Variants in DHRS4L2 observed in about 807,000 individuals in gnomAD.
DHRS4L2 encodes dehydrogenase/reductase SDR family member 4-like 2.
In DHRS4L2, 22 loss-of-function variants were observed where a neutral mutation model predicts 23.9. The ratio of observed to expected loss-of-function variants is 0.92; its 90% CI spans 0.66 to 1.31. The LOEUF (loss-of-function observed/expected upper bound fraction) is 1.31, where lower values mean the gene tolerates loss of function less well. Ranked by LOEUF, DHRS4L2 falls within the 40% of genes most tolerant of loss-of-function variation. The pLI is 0.00. For synonymous variants in DHRS4L2, 141 were observed against 123.7 expected, an observed-to-expected ratio of 1.14 and a Z score of -0.93; for missense variants, 385 against 303.3, an observed-to-expected ratio of 1.27 and a Z score of -2.00.
At chr14:23,999,943 T>C in intron 3 of DHRS4L2, among the ~76,000 whole-genome samples, 1 of 135,536 alleles carries the variant, frequency 7.4e-6, no homozygotes, top group Non-Finnish European at 1.5e-5. Flanking sequence ...GATCCACCCA[T>C]CTTGGCCTCC....
intron 2 of DHRS4L2, among the ~76,000 whole-genome samples, chr14:23,991,941 G>A (rs1287679783): frequency 1.3e-5 from 2 of 151,270 alleles, no homozygotes; most frequent in East Asian, 3.9e-4. Context: ...TCACCATGTT[G>A]GCCAGGCTGG....
intron 1 of DHRS4L2, among the ~76,000 whole-genome samples, chr14:23,981,966 C>A (rs1325945815): frequency 6.6e-6 from 1 of 151,692 alleles, no homozygotes; most frequent in African/African-American, 2.4e-5. Context: ...GTGTTTTATA[C>A]CAAGACACTC....
chr14:23,990,439 C>T (rs1249750900), intron 2 of DHRS4L2, 80 bp downstream of exon 2: 3 of 1,490,438 alleles, frequency 2.0e-6, no homozygotes, highest in African/African-American at 1.4e-5. Context: ...CTTTCCTAGA[C>T]AGCAGCACAT....
exon 1 of DHRS4L2, chr14:23,969,983 CGGCAGCCCTCACCGCCCG>C: frequency 2.2e-6 from 1 of 454,954 alleles, no homozygotes. Flanking sequence ...CTCGCCTCTG[CGGCAGCCCTCACCGCCCG>C]GGCTTTACTG....
intron 1 of DHRS4L2, among the ~76,000 whole-genome samples, chr14:23,982,195 C>T (rs879319629): frequency 1.3e-5 from 2 of 151,604 alleles, no homozygotes; most frequent in Middle Eastern, 3.2e-3. Flanking sequence ...TGCGGCTTTC[C>T]GCAGTGCATT....
In DHRS4L2 at chr14:23,990,342, G is replaced by A. The variant is rs758295909; in HGVS notation, c.289G>A (p.Glu97Lys). ...CCATGTGGGGAAGGCGGAGGACCGGGAGCGGCTGGTGGCCATGGTGAGCTG... is the reference window on the plus strand; with the variant it reads ...CCATGTGGGGAAGGCGGAGGACCGGAAGCGGCTGGTGGCCATGGTGAGCTG... ...VCHVGKAEDRERLVAMAVKLH... is the reference protein window; with the variant it reads ...VCHVGKAEDRKRLVAMAVKLH... Residue 97 changes from glutamate (E) to lysine (K), a missense_variant, in exon 2 of 8, where the codon GAG becomes AAG. Glu to Lys is a moderately conservative substitution (Grantham distance 56). Coordinates refer to ENST00000335125, the MANE Select transcript of DHRS4L2 (RefSeq NM_198083.4). 1.2e-6 allele frequency: 2 copies of A among 1,611,288 alleles called. No homozygotes were observed. Among genetic ancestry groups the A allele is most frequent in the Admixed American group, 1.7e-5 (1 of 59,846 alleles).
At chr14:24,001,957 C>CTTGTTTTTTTTTTTTTTT (rs2034497756) in intron 6 of DHRS4L2, among the ~76,000 whole-genome samples, 1 of 5,516 alleles carries the variant, frequency 1.8e-4, no homozygotes, top group Non-Finnish European at 2.2e-4. Flanking sequence ...CTTTCCTCTT[C>CTTGTTTTTTTTTTTTTTT]TTTTTTTTTT....
chr14:23,988,064 C>A (rs2034186310), upstream of DHRS4L2, among the ~76,000 whole-genome samples: 2 of 151,406 alleles, frequency 1.3e-5, no homozygotes, highest in Admixed American at 1.3e-4. Flanking sequence ...CCCAGGGCAC[C>A]AATAATAATC....
upstream of DHRS4L2, among the ~76,000 whole-genome samples, chr14:23,988,212 C>T (rs1284817457): frequency 6.7e-6 from 1 of 150,144 alleles, no homozygotes; most frequent in Non-Finnish European, 1.5e-5. Flanking sequence ...TTGAGTGCCC[C>T]GAGTTCTTTG....
chr14:23,973,427 G>GCT (rs2033904439), intron 1 of DHRS4L2, among the ~76,000 whole-genome samples: 1 of 151,934 alleles, frequency 6.6e-6, no homozygotes, highest in Non-Finnish European at 1.5e-5. Context: ...CCAGAAAGGG[G>GCT]CTCCCACAGT....
intron 6 of DHRS4L2, among the ~76,000 whole-genome samples, chr14:24,002,144 A>C: frequency 1.2e-4 from 10 of 86,866 alleles, no homozygotes; most frequent in African/African-American, 3.8e-4. Flanking sequence ...CCCCGACCCC[A>C]CCACAGTCCC....
chr14:23,971,011 C>G (rs922310559), intron 1 of DHRS4L2, among the ~76,000 whole-genome samples: 1 of 151,986 alleles, frequency 6.6e-6, no homozygotes, highest in East Asian at 1.9e-4. Flanking sequence ...ACATCAAAGA[C>G]CAAAGGTAGA....
upstream of DHRS4L2, among the ~76,000 whole-genome samples, chr14:23,988,529 C>T (rs950623570): frequency 2.3e-4 from 35 of 151,048 alleles, 2 homozygotes; most frequent in Non-Finnish European, 4.0e-4. Context: ...TGGGCTGTCA[C>T]ATACATAGAC....
intron 7 of DHRS4L2, chr14:24,004,633 C>G: frequency 1.4e-6 from 1 of 702,818 alleles, no homozygotes. Context: ...CGGAGAAGCC[C>G]TGAGTCCTCT....
exon 1 of DHRS4L2, chr14:23,969,875 T>G (rs2033807789): frequency 2.6e-6 from 1 of 388,202 alleles, no homozygotes; most frequent in Non-Finnish European, 5.1e-6. Context: ...GCGACGCGCA[T>G]GCTCAGTCGG....
At chr14:23,973,290 G>A (rs529401826) in intron 1 of DHRS4L2, among the ~76,000 whole-genome samples, 8 of 152,012 alleles carry the variant, frequency 5.3e-5, no homozygotes, top group African/African-American at 7.2e-5. Context: ...GCATTGTGCC[G>A]CCAAGGCCAC....
chr14:23,987,105 A>AC, upstream of DHRS4L2: 1 of 261,966 alleles, frequency 3.8e-6, no homozygotes, highest in Non-Finnish European at 7.7e-6. Flanking sequence ...CTCGCCATAC[A>AC]CCCCCTTTTG....
At position 24,006,073 on chromosome 14, in the gene DHRS4L2, C is replaced by T; in HGVS notation, c.*210C>T. 1 of 1,565,792 alleles carries T rather than the reference C, an allele frequency of 6.4e-7. No individual in the cohort carries two copies. Among genetic ancestry groups the T allele is most frequent in the Non-Finnish European group, 8.6e-7 (1 of 1,156,600 alleles). On this transcript the variant is annotated 3_prime_UTR_variant, in exon 8 of 8. Coordinates refer to ENST00000335125, the MANE Select transcript of DHRS4L2 (RefSeq NM_198083.4). ...GCTGTTCCTGCATTCACCCACTGGCCTTTCCCACCTCTGCTCACCTTACTG... is the reference window on the plus strand; with the variant it reads ...GCTGTTCCTGCATTCACCCACTGGCTTTTCCCACCTCTGCTCACCTTACTG...
rs568160103 is a variant in DHRS4L2, at chr14:23,978,214, T to C, written c.-176+7882T>C. Reference sequence around the variant, plus strand: ...TGTACCAAACACACAAAAATACATATTCATCCAGTGTTGTTCACCATAGCA... The same window carrying C: ...TGTACCAAACACACAAAAATACATACTCATCCAGTGTTGTTCACCATAGCA... On this transcript the variant is annotated intron_variant, in intron 1 of 5. Transcript: ENST00000534993. Among the ~76,000 whole-genome samples the C allele has an allele frequency of 1.1e-4, 16 of 151,284 alleles. No homozygotes were observed. In the East Asian group the frequency reaches 2.7e-3, roughly 26 times the overall value.
Sources: gnomAD v4.1 joint callset for allele counts (sites outside exome capture counted in the v4.1 genomes callset) on GRCh38, gnomAD v4.1.1 for gene constraint, MANE v1.5 for transcripts, NCBI Gene and HGNC (gene_info 2026-07-23, HGNC 2026-07-21) for gene names.